TNR: variants seen among roughly 807,000 people sequenced by gnomAD.
TNR encodes the protein tenascin R.
TNR carries 45 observed loss-of-function variants against 150.4 expected under a neutral mutation model. That is an observed-to-expected ratio of 0.30 (90% CI 0.24 to 0.38). TNR has a LOEUF of 0.38. Ranked by LOEUF, TNR falls within the 10% of genes least tolerant of loss-of-function variation. The pLI is 1.00. For synonymous variants in TNR, 687 were observed against 678.4 expected, an observed-to-expected ratio of 1.01 and a Z score of -0.20; for missense variants, 1,544 against 1,759.1, an observed-to-expected ratio of 0.88 and a Z score of 2.19.
At chr1:175,436,572 A>G (rs920407266) in intron 2 of TNR, among the ~76,000 whole-genome samples, 2 of 152,208 alleles carry the variant, frequency 1.3e-5, no homozygotes, top group African/African-American at 4.8e-5. Flanking sequence ...CCCAATTAAA[A>G]GACACAGACT....
At chr1:175,462,601 G>A (rs538915028) in intron 2 of TNR, among the ~76,000 whole-genome samples, 4 of 152,284 alleles carry the variant, frequency 2.6e-5, no homozygotes, top group African/African-American at 9.6e-5. Flanking sequence ...TGCTAATTTT[G>A]TGTATTTGGA....
rs577080083 is a variant in TNR at position 175,454,229 on chromosome 1, C to T, written c.-63-47452G>A. Among the ~76,000 whole-genome samples, 642 of 152,264 alleles carry T rather than the reference C, an allele frequency of 4.2e-3. 3 individuals are homozygous for T. Among genetic ancestry groups the T allele is most frequent in the Non-Finnish European group, 7.6e-3 (514 of 68,026 alleles). On this transcript the variant is annotated intron_variant, in intron 2 of 22. Transcript: ENST00000367674. ...GCTTCTTGCCACAGTGTGTGAAATT[C>T]CCATTGTTAGAATCATTCATCCAGA...
In TNR at chr1:175,605,523, T is replaced by C. The variant is rs532435766; in HGVS notation, c.-164-77154A>G. On this transcript the variant is annotated intron_variant, in intron 1 of 22. Coordinates refer to ENST00000367674, the MANE Select transcript of TNR (RefSeq NM_003285.3). ...GACAGTGACCTTGTCCTCATGAACA[T>C]AGCATTGTGGCCAGTGAAATAGATA... is the stretch of plus-strand genomic sequence containing the variant. Among the ~76,000 whole-genome samples the C allele has an allele frequency of 3.9e-5, 6 of 152,332 alleles. No homozygotes were observed. The South Asian group carries it at 1.2e-3, about 32-fold the overall frequency.
chr1:175,636,849 G>T (rs942205598), intron 1 of TNR, among the ~76,000 whole-genome samples: 10 of 152,296 alleles, frequency 6.6e-5, no homozygotes, highest in African/African-American at 2.4e-4. Flanking sequence ...CTTGAAAAAA[G>T]AATGACAATA....
intron 1 of TNR, among the ~76,000 whole-genome samples, chr1:175,607,103 T>C (rs1045571131): frequency 2.6e-5 from 4 of 152,200 alleles, no homozygotes; most frequent in African/African-American, 9.6e-5. Flanking sequence ...TTTGTTCTGT[T>C]AACAAAACAT....
At chr1:175,417,078 A>ATAAATAAG (rs1654528079) in intron 2 of TNR, among the ~76,000 whole-genome samples, 1 of 151,632 alleles carries the variant, frequency 6.6e-6, no homozygotes. Context: ...AAAGAAAGAA[A>ATAAATAAG]TCTAAGAAGT....
rs374331709 is a variant in TNR, at chr1:175,330,084, G to A, written c.3783C>T (p.Asn1261=). The part of the protein sequence containing the change: ...NLYKLRIGSY[N]GTAGDSLSYH... ...AGGAGCCATAGGTACCCGCAGTGCC[G>A]TTGTAGCTTCCTATGCGGAGTTTGT... Residue 1261 remains asparagine, a synonymous_variant, in exon 21 of 23, where the codon AAC becomes AAT. Transcript: ENST00000367674. 146 of 1,589,084 alleles carry A rather than the reference G, an allele frequency of 9.2e-5. 1 individual carries two copies. In the South Asian group the frequency reaches 1.1e-3, roughly 12 times the overall value.
intron 1 of TNR, among the ~76,000 whole-genome samples, chr1:175,572,562 G>T (rs1416803036): frequency 6.6e-6 from 1 of 151,978 alleles, no homozygotes; most frequent in Admixed American, 6.6e-5. Context: ...ATCATAATGG[G>T]CACTGTCATC....
chr1:175,327,093 T>C (rs726030), intron 21 of TNR, among the ~76,000 whole-genome samples: 32,186 of 152,052 alleles, frequency 0.21, 4,376 homozygotes, highest in African/African-American at 0.38. Flanking sequence ...TCCTTGATTA[T>C]GCGGTCTCCA....
At chr1:175,426,535 C>T (rs1654974860) in intron 2 of TNR, among the ~76,000 whole-genome samples, 1 of 152,042 alleles carries the variant, frequency 6.6e-6, no homozygotes, top group Admixed American at 6.6e-5. Context: ...ACAAGACTGA[C>T]CTGATGCATC....
At chr1:175,657,470 C>G (rs576522309) in intron 1 of TNR, among the ~76,000 whole-genome samples, 6 of 152,020 alleles carry the variant, frequency 3.9e-5, no homozygotes, top group Admixed American at 3.3e-4. Flanking sequence ...CACATGCACA[C>G]GTATGTTTAT....
intron 1 of TNR, among the ~76,000 whole-genome samples, chr1:175,642,489 A>T (rs1231141043): frequency 1.3e-5 from 2 of 152,212 alleles, no homozygotes; most frequent in Non-Finnish European, 2.9e-5. Flanking sequence ...GTTTAAGTTG[A>T]GGAGTGACAT....
rs115651757 is a variant in TNR at position 175,673,436 on chromosome 1, A to G, written c.-165+69790T>C. On this transcript the variant is annotated intron_variant, in intron 1 of 22. Coordinates refer to ENST00000367674, the MANE Select transcript of TNR (RefSeq NM_003285.3). ...TCTGATAGAGAATGTAGAAGCATTC[A>G]GAGGAATGAGCAGGTGCTGGATAAA... 2.2e-3 allele frequency among the ~76,000 whole-genome samples: 334 copies of G among 152,206 alleles called. 3 individuals carry two copies. The highest frequency in any genetic ancestry group is 7.6e-3 in the African/African-American group (314 of 41,496).
chr1:175,474,509 C>G (rs989617350), intron 2 of TNR, among the ~76,000 whole-genome samples: 1 of 152,192 alleles, frequency 6.6e-6, no homozygotes, highest in Admixed American at 6.5e-5. Context: ...GTTGTTTAAG[C>G]CACCTAAGCT....
Position 175,617,640 on chromosome 1 carries a change from G to T in TNR, c.-164-89271C>A, listed in dbSNP as rs534884654. Among the ~76,000 whole-genome samples the T allele has an allele frequency of 2.6e-5, 4 of 152,288 alleles. No homozygotes were observed. The South Asian group carries it at 8.3e-4, about 32-fold the overall frequency. ...GGTCCCATTCCAGACCTGCTGAATC[G>T]AAATCTAAGATCCTCAGTGATTTGT... On this transcript the variant is annotated intron_variant, in intron 1 of 22. Transcript: ENST00000367674.
intron 1 of TNR, among the ~76,000 whole-genome samples, chr1:175,698,303 C>T (rs72727612): frequency 0.045 from 6,910 of 152,178 alleles, 208 homozygotes; most frequent in African/African-American, 0.066. Context: ...AAGTCTTTGC[C>T]GTTCCATATG....
chr1:175,485,883 T>C (rs892778079), intron 2 of TNR, among the ~76,000 whole-genome samples: 2 of 152,236 alleles, frequency 1.3e-5, no homozygotes, highest in African/African-American at 4.8e-5. Flanking sequence ...CATATAATTT[T>C]TTATTTTGTT....
At chr1:175,581,891 G>C (rs1431349794) in intron 1 of TNR, among the ~76,000 whole-genome samples, 4 of 151,900 alleles carry the variant, frequency 2.6e-5, no homozygotes, top group Non-Finnish European at 5.9e-5. Context: ...TACATGCCAG[G>C]GACTGATAGC....
chr1:175,733,691 C>T (rs557701386), intron 1 of TNR, among the ~76,000 whole-genome samples: 5 of 152,218 alleles, frequency 3.3e-5, no homozygotes, highest in African/African-American at 1.2e-4. Context: ...ACACCCTACT[C>T]GGAACAGATC....
Sources: allele counts gnomAD v4.1 joint callset (sites outside exome capture counted in the v4.1 genomes callset), GRCh38; gene constraint gnomAD v4.1.1; transcripts MANE v1.5; gene names NCBI Gene and HGNC (gene_info 2026-07-23, HGNC 2026-07-21).